The following PTPRJ variants were observed in gnomAD, a reference collection of about 807,000 sequenced individuals.
The protein encoded by PTPRJ is receptor-type tyrosine-protein phosphatase eta.
A neutral mutation model predicts 141.3 loss-of-function variants in PTPRJ; 129 were observed. The ratio of observed to expected loss-of-function variants is 0.91; its 90% CI spans 0.79 to 1.06. The LOEUF (loss-of-function observed/expected upper bound fraction) is 1.06, where lower values mean the gene tolerates loss of function less well. PTPRJ is among the 50% of genes least tolerant of loss of function. The pLI is 0.00. For missense variants in PTPRJ, 1,601 were observed against 1,679.7 expected, an observed-to-expected ratio of 0.95 and a Z score of 0.82; for synonymous variants, 610 against 640.5, an observed-to-expected ratio of 0.95 and a Z score of 0.72.
intron 7 of PTPRJ, among the ~76,000 whole-genome samples, chr11:48,129,689 A>AG (rs1856924558): frequency 6.6e-6 from 1 of 152,120 alleles, no homozygotes; most frequent in African/African-American, 2.4e-5. Context: ...CAGACAGCAG[A>AG]GGGAGGAATC....
intron 1 of PTPRJ, among the ~76,000 whole-genome samples, chr11:48,088,297 T>TAGCA (rs1425207230): frequency 6.6e-6 from 1 of 152,090 alleles, no homozygotes; most frequent in Non-Finnish European, 1.5e-5. Context: ...TATCACAGAG[T>TAGCA]AGCAAGCATG....
intron 1 of PTPRJ, among the ~76,000 whole-genome samples, chr11:48,012,502 G>A (rs188792761): frequency 5.8e-4 from 88 of 152,226 alleles, no homozygotes; most frequent in African/African-American, 2.0e-3. Context: ...TGATCTAGTC[G>A]GGGAGGAGAG....
chr11:48,022,613 C>T (rs910311062), intron 1 of PTPRJ, among the ~76,000 whole-genome samples: 1 of 152,110 alleles, frequency 6.6e-6, no homozygotes, highest in African/African-American at 2.4e-5. Flanking sequence ...GTGCTGATTT[C>T]ACACCTGTAA....
chr11:48,049,310 C>G (rs1854490076), intron 1 of PTPRJ, among the ~76,000 whole-genome samples: 1 of 152,008 alleles, frequency 6.6e-6, no homozygotes, highest in Admixed American at 6.6e-5. Context: ...AATTGAGAAC[C>G]ACCGAGTCAT....
chr11:48,114,308 CATG>C (rs1456936912), intron 3 of PTPRJ, among the ~76,000 whole-genome samples: 3 of 151,582 alleles, frequency 2.0e-5, no homozygotes, highest in Non-Finnish European at 1.5e-5. Context: ...TGTGGTCATG[CATG>C]CCTGTAATCC....
chr11:48,110,013 T>C, intron 1 of PTPRJ, 45 bp from the exon 2 acceptor site: 1 of 1,610,646 alleles, frequency 6.2e-7, no homozygotes, highest in Non-Finnish European at 8.5e-7. Context: ...GCATTTTCCA[T>C]GGCTGAATGA....
Position 48,145,065 on chromosome 11 carries a change from C to T in PTPRJ, c.2852C>T (p.Ala951Val), listed in dbSNP as rs61738506. 7.1e-4 allele frequency: 1,142 copies of T among 1,614,190 alleles called. 13 individuals are homozygous for T. The African/African-American group carries it at 0.014, about 20-fold the overall frequency. ...HPQNKGLIDG[A>V]ESYVSFSRYS... ...CAAAACAAGGGGCTCATTGATGGGG[C>T]TGAGAGCTATGTGTCCTTCAGTCGC... is the stretch of plus-strand genomic sequence containing the variant. The change falls in exon 14 of 25, where the codon GCT (alanine) becomes GTT (valine). Residue 951 changes from alanine to valine, a missense_variant. By Grantham distance (64) the Ala-to-Val change is moderately conservative. Coordinates refer to ENST00000418331, the MANE Select transcript of PTPRJ (RefSeq NM_002843.4).
At position 48,137,048 on chromosome 11, in the gene PTPRJ, C is replaced by G. The variant is rs1857118634; in HGVS notation, c.1919C>G (p.Ala640Gly). The G allele has an allele frequency of 1.2e-6, 2 of 1,606,052 alleles. No homozygotes were observed. Among genetic ancestry groups the G allele is most frequent in the Non-Finnish European group, 1.7e-6 (2 of 1,172,618 alleles). The change falls in exon 10 of 25, where the codon GCA becomes GGA. Residue 640 changes from alanine to glycine, a missense_variant. Ala to Gly is a moderately conservative substitution (Grantham distance 60, BLOSUM62 0). Coordinates refer to ENST00000418331, the MANE Select transcript of PTPRJ (RefSeq NM_002843.4). ...SNIDVSTNTT[A>G]ATLSWQNFDD... The stretch of plus-strand genomic sequence containing the variant: ...ATTGATGTAAGTACCAACACCACAG[C>G]AGCAACTTTAAGTTGGCAGAACTTT...
chr11:48,064,118 C>T (rs1855013554), intron 1 of PTPRJ, among the ~76,000 whole-genome samples: 1 of 152,074 alleles, frequency 6.6e-6, no homozygotes, highest in South Asian at 2.1e-4. Flanking sequence ...CTGCTCCCAG[C>T]TTGTGTTTCC....
At chr11:48,050,353 G>T (rs1056641115) in intron 1 of PTPRJ, among the ~76,000 whole-genome samples, 1 of 151,870 alleles carries the variant, frequency 6.6e-6, no homozygotes, top group South Asian at 2.1e-4. Context: ...GGCCTCCCCC[G>T]TTAGCAACAC....
At chr11:48,104,439 G>T (rs1856237013) in intron 1 of PTPRJ, among the ~76,000 whole-genome samples, 1 of 152,200 alleles carries the variant, frequency 6.6e-6, no homozygotes, top group South Asian at 2.1e-4. Context: ...TTTAAACATT[G>T]CTTGAAGCGG....
At chr11:48,120,810 T>G (rs981402657) in intron 3 of PTPRJ, among the ~76,000 whole-genome samples, 193 bp from the exon 4 acceptor site, 1 of 152,110 alleles carries the variant, frequency 6.6e-6, no homozygotes, top group Non-Finnish European at 1.5e-5. Context: ...AGGCTTCTGT[T>G]TTACTAACAT....
intron 24 of PTPRJ, among the ~76,000 whole-genome samples, chr11:48,165,503 C>A (rs1183364057): frequency 6.6e-6 from 1 of 152,182 alleles, no homozygotes; most frequent in East Asian, 1.9e-4. Flanking sequence ...GTTCCTTGAC[C>A]AGGATGAGAG....
At chr11:48,076,653 G>A (rs1448333265) in intron 1 of PTPRJ, among the ~76,000 whole-genome samples, 2 of 152,102 alleles carry the variant, frequency 1.3e-5, no homozygotes, top group East Asian at 3.9e-4. Context: ...TGGCATCAAT[G>A]GAAGACCCTG....
chr11:48,114,514 G>A (rs1856517898), intron 3 of PTPRJ, among the ~76,000 whole-genome samples: 1 of 151,194 alleles, frequency 6.6e-6, no homozygotes, highest in African/African-American at 2.4e-5. Context: ...GGGCTTAGAG[G>A]TTGGGACCAT....
intron 1 of PTPRJ, among the ~76,000 whole-genome samples, chr11:48,067,899 G>A (rs2134268634): frequency 6.6e-6 from 1 of 152,290 alleles, no homozygotes; most frequent in East Asian, 1.9e-4. Flanking sequence ...TTGGGGACGG[G>A]CTTAGTTTCT....
At chr11:48,029,144 C>T (rs569906771) in intron 1 of PTPRJ, among the ~76,000 whole-genome samples, 2 of 152,300 alleles carry the variant, frequency 1.3e-5, no homozygotes, top group South Asian at 2.1e-4. Flanking sequence ...GGATGAGGTC[C>T]TGCCCGCACA....
intron 1 of PTPRJ, among the ~76,000 whole-genome samples, chr11:48,008,410 C>A (rs1233051942): frequency 6.6e-6 from 1 of 151,944 alleles, no homozygotes; most frequent in South Asian, 2.1e-4. Flanking sequence ...CAGGCATGTG[C>A]CACCACGCCC....
chr11:47,988,396 T>A (rs921353664), intron 1 of PTPRJ, among the ~76,000 whole-genome samples: 3 of 152,042 alleles, frequency 2.0e-5, no homozygotes, highest in Non-Finnish European at 4.4e-5. Flanking sequence ...TGGAGTGCAG[T>A]GGCATGATCT....
Sources: gnomAD v4.1 joint callset for allele counts (sites outside exome capture counted in the v4.1 genomes callset) on GRCh38, gnomAD v4.1.1 for gene constraint, MANE v1.5 for transcripts, NCBI Gene and HGNC (gene_info 2026-07-23, HGNC 2026-07-21) for gene names.